TAT: variants seen among roughly 807,000 people sequenced by gnomAD.
TAT encodes L-tyrosine:2-oxoglutarate aminotransferase.
TAT carries 35 observed loss-of-function variants against 53.6 expected under a neutral mutation model. The observed-to-expected ratio is 0.65, with a 90% confidence interval of 0.50 to 0.87. The LOEUF is 0.87. Among genes scored for constraint, TAT ranks in the 40% least tolerant of loss-of-function variants. TAT has a pLI of 0.00. For synonymous variants in TAT, 197 were observed against 206.5 expected, an observed-to-expected ratio of 0.95 and a Z score of 0.39; for missense variants, 525 against 571.8, an observed-to-expected ratio of 0.92 and a Z score of 0.83.
chr16:71,569,322 A>T (rs2044184111), intron 10 of TAT, among the ~76,000 whole-genome samples: 1 of 151,782 alleles, frequency 6.6e-6, no homozygotes, highest in Non-Finnish European at 1.5e-5. Context: ...GATTCTCTGT[A>T]CTGAAAAATT....
chr16:71,572,110 C>G (rs2044206990), intron 6 of TAT, 76 bp downstream of exon 6: 13 of 1,596,816 alleles, frequency 8.1e-6, no homozygotes, highest in Non-Finnish European at 2.6e-6. Flanking sequence ...TAGGGAATGA[C>G]TGGTTTTTGT....
Position 71,571,603 on chromosome 16 carries a change from C to T in TAT, c.759+3G>A, listed in dbSNP as rs548467053. 1.1e-5 allele frequency: 18 copies of T among 1,613,530 alleles called. No individual in the cohort carries two copies. The highest frequency in any genetic ancestry group is 3.3e-5 in the South Asian group (3 of 91,064). On this transcript the variant is annotated splice_donor_region_variant and intron_variant, in intron 7 of 11. Coordinates refer to ENST00000355962, the MANE Select transcript of TAT (RefSeq NM_000353.3). Reference sequence around the variant, plus strand: ...GTAGTGATATATCCTGATCAAGACTCACCATGTCTCCATAGATCTCATCAG... The same window carrying T: ...GTAGTGATATATCCTGATCAAGACTTACCATGTCTCCATAGATCTCATCAG...
At position 71,568,781 on chromosome 16, in the gene TAT, T is replaced by G. The variant is rs763220041; in HGVS notation, c.1154A>C (p.Glu385Ala). 1 of 1,613,984 alleles carries G rather than the reference T, an allele frequency of 6.2e-7. No individual in the cohort carries two copies. The highest frequency in any genetic ancestry group is 8.5e-7 in the Non-Finnish European group (1 of 1,180,020). ...MVGIEMEHFPEFENDVEFTER... is the reference protein window; with the variant it reads ...MVGIEMEHFPAFENDVEFTER... Reference sequence around the variant, plus strand: ...CGTGAACTCCACATCGTTCTCAAATTCTGGGAAATGTTCCATCTCAATTCC... The same window carrying G: ...CGTGAACTCCACATCGTTCTCAAATGCTGGGAAATGTTCCATCTCAATTCC... Residue 385 changes from glutamate (E) to alanine (A), a missense_variant, in exon 11 of 12, where the codon GAA becomes GCA. Physicochemically the swap from Glu to Ala is moderately radical, Grantham distance 107. Transcript: ENST00000355962.
rs754209037 is a variant in TAT, at chr16:71,568,296, AGAGTCTGTTACTTTCAGAGCAATT to A, written c.1225-36_1225-13del. The A allele has an allele frequency of 6.2e-7, 1 of 1,614,044 alleles. No homozygotes were observed. The highest frequency in any genetic ancestry group is 8.5e-7 in the Non-Finnish European group (1 of 1,180,002). ...GGGTACTCAAAGCACTGCAAAAAGA[AGAGTCTGTTACTTTCAGAGCAATT>A]GAGTCTGGTACTGGACCACCCTAAA... On this transcript the variant is annotated splice_polypyrimidine_tract_variant and intron_variant, in intron 11 of 11. Coordinates refer to ENST00000355962, the MANE Select transcript of TAT (RefSeq NM_000353.3).
intron 4 of TAT, 56 bp from the exon 5 acceptor site, chr16:71,572,744 A>G: frequency 6.2e-7 from 1 of 1,607,140 alleles, no homozygotes; most frequent in South Asian, 1.1e-5. Flanking sequence ...AACAGGAGAA[A>G]AGAAGTTGTC....
chr16:71,568,115 G>C lies in TAT; in HGVS notation c.*29C>G, dbSNP rs1211468669. On this transcript the variant is annotated 3_prime_UTR_variant, in exon 12 of 12. Coordinates refer to ENST00000355962, the MANE Select transcript of TAT (RefSeq NM_000353.3). The stretch of plus-strand genomic sequence containing the variant: ...GCCTAGTCCAGCCTTCCCTAGATGG[G>C]ACACATCCTCAGGAGAATGGATGCA... 6.2e-7 allele frequency: 1 copy of C among 1,613,904 alleles called. No individual in the cohort carries two copies. The highest frequency in any genetic ancestry group is 8.5e-7 in the Non-Finnish European group (1 of 1,179,968).
rs754325905 is a variant in TAT, at chr16:71,571,644, A to C, written c.721T>G (p.Cys241Gly). 3.7e-6 allele frequency: 6 copies of C among 1,614,084 alleles called. No individual in the cohort carries two copies. Among genetic ancestry groups the C allele is most frequent in the Non-Finnish European group, 5.1e-6 (6 of 1,180,038 alleles). The change falls in exon 7 of 12, where the codon TGT (cysteine) becomes GGT (glycine). Residue 241 changes from cysteine (C) to glycine (G), a missense_variant. Physicochemically the swap from Cys to Gly is radical, Grantham distance 159 (BLOSUM62 -3). Coordinates refer to ENST00000355962, the MANE Select transcript of TAT (RefSeq NM_000353.3). ...QKILAVAARQ[C>G]VPILADEIYG... ...ATCTCATCAGCTAAGATGGGGACAC[A>C]CTGCCGTGCAGCCACTGAAAATAAA... is the stretch of plus-strand genomic sequence containing the variant.
intron 7 of TAT, 105 bp downstream of exon 7, chr16:71,571,501 T>A: frequency 9.4e-7 from 1 of 1,059,836 alleles, no homozygotes; most frequent in East Asian, 2.4e-5. Context: ...GGATGCTGAT[T>A]TGCTGTAATG....
intron 4 of TAT, among the ~76,000 whole-genome samples, chr16:71,572,951 C>T (rs1290676439): frequency 4.6e-5 from 7 of 152,166 alleles, no homozygotes; most frequent in Non-Finnish European, 8.8e-5. Context: ...GGCCTTGGAC[C>T]TTTTTCGCTT....
rs773475640 is a variant in TAT at position 71,572,277 on chromosome 16, A to T, written c.615T>A (p.Ile205=). Residue 205 remains isoleucine, a synonymous_variant, in exon 6 of 12, where the codon ATT becomes ATA. Transcript: ENST00000355962. The stretch of plus-strand genomic sequence containing the variant: ...CAATGAGACAAGCTGTCTTTTCATC[A>T]ATTAGATATTCCAGTTGTTTCAGGT... ...EIDLKQLEYL[I]DEKTACLIVN... 1 of 1,614,242 alleles carries T rather than the reference A, an allele frequency of 6.2e-7. No individual in the cohort carries two copies. Among genetic ancestry groups the T allele is most frequent in the Non-Finnish European group, 8.5e-7 (1 of 1,180,028 alleles).
rs756743947 is a variant in TAT, at chr16:71,568,711, C to T, written c.1224G>A (p.Thr408=). The change falls in exon 11 of 12, where the codon ACG becomes ACA. Residue 408 remains threonine, a splice_region_variant and synonymous_variant. Transcript: ENST00000355962. ...TGTCCTGAGGGACACAGGCACCCAC[C>T]GTTGCTGGGAGGCAGTGGACAGACT... ...AEQSVHCLPA[T]CFEYPNFIRV... is the part of the protein sequence containing the mutation. 13 of 1,612,650 alleles carry T rather than the reference C, an allele frequency of 8.1e-6. No individual in the cohort carries two copies. Among genetic ancestry groups the T allele is most frequent in the East Asian group, 2.2e-5 (1 of 44,882 alleles).
chr16:71,571,668 A>C lies in TAT; in HGVS notation c.707-10T>G, dbSNP rs2044204075. Reference sequence around the variant, plus strand: ...CACTGCCGTGCAGCCACTGAAAATAAAACATGCTGAAATCAGTTTTAATGT... The same window carrying C: ...CACTGCCGTGCAGCCACTGAAAATACAACATGCTGAAATCAGTTTTAATGT... On this transcript the variant is annotated splice_polypyrimidine_tract_variant and intron_variant, in intron 6 of 11. Transcript: ENST00000355962. The C allele has an allele frequency of 6.2e-7, 1 of 1,613,872 alleles. No homozygotes were observed. The highest frequency in any genetic ancestry group is 1.3e-5 in the African/African-American group (1 of 74,952).
Position 71,568,034 on chromosome 16 carries a change from G to A in TAT, c.*110C>T, listed in dbSNP as rs113110476. Reference sequence around the variant, plus strand: ...GGAACAATCTTGAACCCTTGACATGGTGCATTTGAGGCCCCTCTCCCAGTA... The same window carrying A: ...GGAACAATCTTGAACCCTTGACATGATGCATTTGAGGCCCCTCTCCCAGTA... On this transcript the variant is annotated 3_prime_UTR_variant, in exon 12 of 12. Coordinates refer to ENST00000355962, the MANE Select transcript of TAT (RefSeq NM_000353.3). 0.027 allele frequency: 35,378 copies of A among 1,289,932 alleles called. 638 individuals are homozygous for A. The highest frequency in any genetic ancestry group is 0.034 in the Non-Finnish European group (30,737 of 892,150). 79.9% of individuals were successfully genotyped at this position (1,289,932 alleles called of 1,614,324 possible). A position where few individuals can be genotyped will look rare whatever the true frequency, so the allele number is the denominator to read the frequency against.
rs1488069725 is a variant in TAT, at chr16:71,570,848, G to A, written c.760-17C>T. 1.9e-6 allele frequency: 3 copies of A among 1,612,828 alleles called. No homozygotes were observed. In the South Asian group the frequency reaches 3.3e-5, roughly 18 times the overall value. On this transcript the variant is annotated splice_polypyrimidine_tract_variant and intron_variant, in intron 7 of 11. Transcript: ENST00000355962. ...CGAAAACACCTGAGAAGAGGCACTT[G>A]TTATGGTTGTTTTCTTGTCTACTTC...
Position 71,568,164 on chromosome 16 carries a change from G to A in TAT, c.1345C>T (p.Gln449Ter), listed in dbSNP as rs746633074. The stretch of plus-strand genomic sequence containing the variant: ...CAGGCCTATTTATCACACTCCTCCT[G>A]GCTGCCTTCAGCACAATGGTAGTGC... ...EQHYHCAEGS[Q>*]EECDK Residue 449 changes from glutamine to a stop codon, truncating the protein, a stop_gained, in exon 12 of 12, where the codon CAG (glutamine) becomes TAG (stop). Transcript: ENST00000355962. LOFTEE classifies it high-confidence loss of function. 3.7e-6 allele frequency: 6 copies of A among 1,614,098 alleles called. No individual in the cohort carries two copies. In the African/African-American group the frequency reaches 8.0e-5, roughly 22 times the overall value.
Position 71,572,685 on chromosome 16 carries a change from C to T in TAT, c.412G>A (p.Val138Ile), listed in dbSNP as rs182191343. The T allele has an allele frequency of 8.0e-5, 129 of 1,614,136 alleles. No individual in the cohort carries two copies. The highest frequency in any genetic ancestry group is 4.9e-4 in the Middle Eastern group (3 of 6,062). Residue 138 changes from valine (V) to isoleucine (I), a missense_variant, in exon 5 of 12, where the codon GTC (valine) becomes ATC (isoleucine). By Grantham distance (29) the Val-to-Ile change is conservative (BLOSUM62 3). Coordinates refer to ENST00000355962, the MANE Select transcript of TAT (RefSeq NM_000353.3). ...CPEAPLEAKD[V>I]ILTSGCSQAI... ...TGGCTGCAGCCACTTGTCAGAATGACGTCCTGTGAAGGAAATAAAAGGTTA... is the reference window on the plus strand; with the variant it reads ...TGGCTGCAGCCACTTGTCAGAATGATGTCCTGTGAAGGAAATAAAAGGTTA...
At chr16:71,574,288 G>A (rs1209911674) in intron 3 of TAT, among the ~76,000 whole-genome samples, 2 of 152,016 alleles carry the variant, frequency 1.3e-5, no homozygotes, top group Admixed American at 6.5e-5. Flanking sequence ...TATTTTTTAA[G>A]AAGTTGTAAT....
At chr16:71,569,266 C>T (rs963712010) in intron 10 of TAT, among the ~76,000 whole-genome samples, 11 of 152,260 alleles carry the variant, frequency 7.2e-5, no homozygotes, top group African/African-American at 2.6e-4. Context: ...TATGAAAAGC[C>T]TCTTATTTGT....
chr16:71,576,671 T>C (rs948818433), intron 1 of TAT, among the ~76,000 whole-genome samples: 4 of 152,220 alleles, frequency 2.6e-5, no homozygotes, highest in African/African-American at 4.8e-5. Flanking sequence ...GCTACACGCA[T>C]CTGCAATTCC....
Sources: gnomAD v4.1 joint callset for allele counts (sites outside exome capture counted in the v4.1 genomes callset) on GRCh38, gnomAD v4.1.1 for gene constraint, MANE v1.5 for transcripts, NCBI Gene and HGNC (gene_info 2026-07-23, HGNC 2026-07-21) for gene names.